The following KLHL1 variants were observed in gnomAD, a reference collection of about 807,000 sequenced individuals.
KLHL1 encodes kelch like family member 1.
KLHL1 carries 47 observed loss-of-function variants against 77.7 expected under a neutral mutation model. The observed-to-expected ratio is 0.60, with a 90% CI of 0.48 to 0.77. The LOEUF is 0.77. Among genes scored for constraint, KLHL1 ranks in the 30% least tolerant of loss-of-function variants. KLHL1 has a pLI of 0.00. For synonymous variants in KLHL1, 360 were observed against 325.2 expected (o/e 1.11, Z -1.15); for missense variants, 925 against 910.8 (o/e 1.02, Z -0.20).
intron 4 of KLHL1, among the ~76,000 whole-genome samples, chr13:69,939,340 CATATATAT>C (rs34074889): frequency 0.023 from 1,424 of 60,832 alleles, 75 homozygotes; most frequent in African/African-American, 0.063. Context: ...CATATACATA[CATATATAT>C]ATATATATAT....
intron 9 of KLHL1, among the ~76,000 whole-genome samples, chr13:69,717,779 T>G (rs1872835921): frequency 6.6e-6 from 1 of 152,130 alleles, no homozygotes; most frequent in Non-Finnish European, 1.5e-5. Context: ...TTAAAATAAA[T>G]GATTGCACAT....
chr13:70,061,145 A>G (rs1435918206), intron 1 of KLHL1, among the ~76,000 whole-genome samples: 1 of 152,068 alleles, frequency 6.6e-6, no homozygotes, highest in Admixed American at 6.5e-5. Context: ...TATATTCTCT[A>G]CTCACTTAAT....
intron 1 of KLHL1, among the ~76,000 whole-genome samples, chr13:70,016,739 A>T (rs1404522467): frequency 3.3e-5 from 5 of 152,148 alleles, no homozygotes; most frequent in Non-Finnish European, 5.9e-5. Context: ...CTCCTGGACA[A>T]AAAGGGGCGG....
chr13:69,899,204 T>C (rs1235851442), intron 4 of KLHL1, among the ~76,000 whole-genome samples: 1 of 152,150 alleles, frequency 6.6e-6, no homozygotes, highest in Non-Finnish European at 1.5e-5. Flanking sequence ...CTCGATTTGT[T>C]GCATGGCTCT....
chr13:69,891,849 A>G (rs1235019879), intron 4 of KLHL1, among the ~76,000 whole-genome samples: 1 of 151,982 alleles, frequency 6.6e-6, no homozygotes, highest in Non-Finnish European at 1.5e-5. Flanking sequence ...TGTGATACCT[A>G]TTGTCTACTA....
intron 1 of KLHL1, among the ~76,000 whole-genome samples, chr13:70,033,450 T>C (rs533123489): frequency 7.9e-5 from 12 of 151,154 alleles, no homozygotes; most frequent in Middle Eastern, 3.4e-3. Context: ...CCACCACGCC[T>C]GGCTAATTTG....
At position 70,107,841 on chromosome 13, in the gene KLHL1, G is replaced by T. The variant is rs534215165; in HGVS notation, c.-142C>A. 177 of 638,510 alleles carry T rather than the reference G, an allele frequency of 2.8e-4. 1 individual carries two copies. The East Asian group carries it at 4.4e-3, about 16-fold the overall frequency. 39.6% of individuals were successfully genotyped at this position (638,510 alleles called of 1,614,324 possible). On this transcript the variant is annotated 5_prime_UTR_variant, in exon 1 of 11. Coordinates refer to ENST00000377844, the MANE Select transcript of KLHL1 (RefSeq NM_020866.3). ...CCCTAGAGCCAGAAGACGCTAGGTGGGCTGCGCGCTCTGCCAGGCGAAGGC... is the reference window on the plus strand; with the variant it reads ...CCCTAGAGCCAGAAGACGCTAGGTGTGCTGCGCGCTCTGCCAGGCGAAGGC...
chr13:69,850,472 T>C (rs975840120), intron 5 of KLHL1, among the ~76,000 whole-genome samples: 1 of 151,534 alleles, frequency 6.6e-6, no homozygotes, highest in Non-Finnish European at 1.5e-5. Flanking sequence ...TACTATAATA[T>C]TGTCTAGGAC....
rs56271435 is a variant in KLHL1, at chr13:69,730,267, ATGTGTGTG to A, written c.1802+10119_1802+10126del. Among the ~76,000 whole-genome samples, 791 of 143,912 alleles carry A rather than the reference ATGTGTGTG, an allele frequency of 5.5e-3. 3 individuals are homozygous for A. The highest frequency in any genetic ancestry group is 0.019 in the African/African-American group (695 of 36,250). The allele number at this position is 143,912 out of a possible 152,430, so 94.4% of individuals were successfully genotyped here. A position where few individuals can be genotyped will look rare whatever the true frequency, so the allele number is the denominator to read the frequency against. ...GGATAAGTAATGTACTAACACTTTA[ATGTGTGTG>A]TGTGTGTGTGTGTGTGTGTGTGTTT... On this transcript the variant is annotated intron_variant, in intron 8 of 10. Coordinates refer to ENST00000377844, the MANE Select transcript of KLHL1 (RefSeq NM_020866.3).
At chr13:70,054,787 T>G (rs1886703722) in intron 1 of KLHL1, among the ~76,000 whole-genome samples, 1 of 139,596 alleles carries the variant, frequency 7.2e-6, no homozygotes, top group Non-Finnish European at 1.5e-5. Flanking sequence ...AACTAAAGAA[T>G]GCATCAGAGT....
chr13:69,813,442 G>A (rs1281052657), intron 6 of KLHL1, among the ~76,000 whole-genome samples: 2 of 150,084 alleles, frequency 1.3e-5, no homozygotes, highest in African/African-American at 4.9e-5. Context: ...CCTGCATGTT[G>A]TGCACATATA....
At chr13:69,861,804 A>AC (rs761513948) in intron 5 of KLHL1, among the ~76,000 whole-genome samples, 1 of 148,120 alleles carries the variant, frequency 6.8e-6, no homozygotes, top group Non-Finnish European at 1.5e-5. Context: ...AAAAAAAAAA[A>AC]AAAATACAAA....
chr13:69,949,127 C>T (rs1185706893), intron 3 of KLHL1, among the ~76,000 whole-genome samples: 15 of 151,806 alleles, frequency 9.9e-5, no homozygotes, highest in Non-Finnish European at 4.4e-5. Context: ...GTATGATATA[C>T]GTGTTATATT....
At chr13:70,031,968 A>C (rs912239354) in intron 1 of KLHL1, among the ~76,000 whole-genome samples, 5 of 152,134 alleles carry the variant, frequency 3.3e-5, no homozygotes, top group Admixed American at 2.6e-4. Flanking sequence ...AAGAAAGAAT[A>C]TGATATTTAG....
At chr13:69,991,774 C>T (rs373576386) in intron 1 of KLHL1, among the ~76,000 whole-genome samples, 9 of 151,640 alleles carry the variant, frequency 5.9e-5, no homozygotes, top group South Asian at 4.1e-4. Context: ...AAAATTGAGG[C>T]GGAGAGACTT....
intron 6 of KLHL1, among the ~76,000 whole-genome samples, chr13:69,837,086 C>T (rs1258594028): frequency 2.0e-5 from 3 of 151,758 alleles, no homozygotes; most frequent in South Asian, 2.1e-4. Flanking sequence ...TTTGACAAGA[C>T]AGTAAGACTG....
intron 4 of KLHL1, among the ~76,000 whole-genome samples, chr13:69,919,455 T>C (rs1882559735): frequency 6.6e-6 from 1 of 152,160 alleles, no homozygotes; most frequent in African/African-American, 2.4e-5. Flanking sequence ...GCTTAGATAT[T>C]GCTGATGTAT....
intron 6 of KLHL1, among the ~76,000 whole-genome samples, chr13:69,808,622 G>C (rs1310261925): frequency 6.6e-6 from 1 of 152,090 alleles, no homozygotes; most frequent in Non-Finnish European, 1.5e-5. Flanking sequence ...GCTCTCAGAA[G>C]AGAAACAACC....
intron 5 of KLHL1, among the ~76,000 whole-genome samples, chr13:69,860,135 C>T (rs993427283): frequency 1.3e-5 from 2 of 151,918 alleles, no homozygotes; most frequent in Non-Finnish European, 2.9e-5. Flanking sequence ...TAATAGCAGC[C>T]ACAAATATTA....
Sources: gnomAD v4.1 joint callset for allele counts (sites outside exome capture counted in the v4.1 genomes callset) on GRCh38, gnomAD v4.1.1 for gene constraint, MANE v1.5 for transcripts, NCBI Gene and HGNC (gene_info 2026-07-23, HGNC 2026-07-21) for gene names.